The following USH2A variants were observed in gnomAD, a reference collection of about 807,000 sequenced individuals.
USH2A encodes the protein usherin.
In USH2A, 443 loss-of-function variants were observed where a neutral mutation model predicts 538.9. The observed-to-expected ratio is 0.82, with a 90% CI of 0.76 to 0.89. USH2A has a LOEUF of 0.89. Ranked by LOEUF, USH2A falls within the 40% of genes least tolerant of loss-of-function variation. USH2A has a pLI of 0.00. For synonymous variants in USH2A, 2,413 were observed against 2,273.5 expected, an observed-to-expected ratio of 1.06 and a Z score of -1.75; for missense variants, 6,633 against 6,324.8, an observed-to-expected ratio of 1.05 and a Z score of -1.65.
chr1:215,681,924 C>G (rs1658243697), intron 61 of USH2A, among the ~76,000 whole-genome samples: 1 of 152,064 alleles, frequency 6.6e-6, no homozygotes, highest in Non-Finnish European at 1.5e-5. Flanking sequence ...GACTCTGAAA[C>G]AAATTTTACA....
intron 9 of USH2A, among the ~76,000 whole-genome samples, chr1:216,292,799 C>T (rs965409583): frequency 1.3e-5 from 2 of 152,052 alleles, no homozygotes; most frequent in African/African-American, 4.8e-5. Context: ...TATGATAGCT[C>T]TAAGACTTTG....
intron 4 of USH2A, among the ~76,000 whole-genome samples, chr1:216,359,478 C>T (rs1208764901): frequency 6.6e-6 from 1 of 152,052 alleles, no homozygotes; most frequent in Non-Finnish European, 1.5e-5. Context: ...CAAAGAAGCA[C>T]ACCTGGGTTA....
At chr1:216,277,991 G>T (rs1203180608) in intron 11 of USH2A, among the ~76,000 whole-genome samples, 1 of 152,022 alleles carries the variant, frequency 6.6e-6, no homozygotes, top group Non-Finnish European at 1.5e-5. Flanking sequence ...ATATTTGGGG[G>T]TTTGTTACAT....
At chr1:216,199,072 A>C (rs2034921648) in intron 17 of USH2A, among the ~76,000 whole-genome samples, 1 of 152,192 alleles carries the variant, frequency 6.6e-6, no homozygotes, top group Non-Finnish European at 1.5e-5. Context: ...CAGTTTTACC[A>C]AATAACTTTA....
chr1:216,012,444 C>T lies in USH2A; in HGVS notation c.6326-11882G>A, dbSNP rs571508310. 2.6e-5 allele frequency among the ~76,000 whole-genome samples: 4 copies of T among 152,220 alleles called. No homozygotes were observed. In the East Asian group the frequency reaches 5.8e-4, roughly 22 times the overall value. On this transcript the variant is annotated intron_variant, in intron 32 of 71. Coordinates refer to ENST00000307340, the MANE Select transcript of USH2A (RefSeq NM_206933.4). ...AAATACCTCTTAGTCTAGGTAGACA[C>T]TTTCACTGGATAAGTACAGGCCTTT...
chr1:215,687,005 T>C (rs1658443503), intron 61 of USH2A, among the ~76,000 whole-genome samples: 2 of 152,060 alleles, frequency 1.3e-5, no homozygotes, highest in African/African-American at 4.8e-5. Flanking sequence ...CTTCCTGAAG[T>C]GTGTTTTCTC....
At chr1:215,960,123 T>C (rs1033698578) in intron 37 of USH2A, among the ~76,000 whole-genome samples, 1 of 152,160 alleles carries the variant, frequency 6.6e-6, no homozygotes, top group Non-Finnish European at 1.5e-5. Flanking sequence ...TATCTTTTCA[T>C]AGTTTTTATT....
rs78253373 is a variant in USH2A, at chr1:215,674,148, G to T, written c.13763C>A (p.Ser4588Tyr). 2,895 of 1,614,078 alleles carry T rather than the reference G, an allele frequency of 1.8e-3. 42 individuals are homozygous for T. In the African/African-American group the frequency reaches 0.03, roughly 17 times the overall value. The change falls in exon 63 of 72, where the codon TCT (serine) becomes TAT (tyrosine). Residue 4588 changes from serine (S) to tyrosine (Y), a missense_variant. Ser to Tyr is a moderately radical substitution (Grantham distance 144, BLOSUM62 -2). Coordinates refer to ENST00000307340, the MANE Select transcript of USH2A (RefSeq NM_206933.4). ...TACTATATATGACTGCATACCAAAA[G>T]AATTATGAGTTGTGTTTATGTGTAT... ...KIIHINTTHN[S>Y]FGMQSYIVNQ...
chr1:216,008,345 C>A lies in USH2A; in HGVS notation c.6326-7783G>T, dbSNP rs146519773. On this transcript the variant is annotated intron_variant, in intron 32 of 71. Coordinates refer to ENST00000307340, the MANE Select transcript of USH2A (RefSeq NM_206933.4). ...GGCTCAAAAGCTCCCCCACTGAGTA[C>A]CTTGTGACCCCCACTCTGGCCTCCA... Among the ~76,000 whole-genome samples the A allele has an allele frequency of 1.3e-4, 19 of 151,896 alleles. No homozygotes were observed. In the East Asian group the frequency reaches 3.7e-3, roughly 29 times the overall value.
chr1:216,072,437 A>C (rs562426532), intron 29 of USH2A: 1 of 244,752 alleles, frequency 4.1e-6, no homozygotes, highest in East Asian at 1.1e-4. Flanking sequence ...ATCTGCAATG[A>C]TGTCATAGAC....
chr1:216,257,342 T>C lies in USH2A; in HGVS notation c.1972-6244A>G, dbSNP rs2036278738. 1.3e-5 allele frequency among the ~76,000 whole-genome samples: 2 copies of C among 152,002 alleles called. 1 individual carries two copies. The highest frequency in any genetic ancestry group is 4.1e-4 in the South Asian group (2 of 4,830). ...TTATTTTCTTTCATAGTTATAAGAA[T>C]GTTGCCCCACTGTCTTCTTCTTTGC... On this transcript the variant is annotated intron_variant, in intron 11 of 71. Transcript: ENST00000307340.
chr1:215,801,549 A>T (rs2102781311), intron 49 of USH2A, among the ~76,000 whole-genome samples: 1 of 152,220 alleles, frequency 6.6e-6, no homozygotes, highest in South Asian at 2.1e-4. Context: ...ATAACATCAA[A>T]AAAAGAAAGA....
At chr1:215,967,778 GTTTGT>G (rs1667389094) in intron 36 of USH2A, among the ~76,000 whole-genome samples, 1 of 151,556 alleles carries the variant, frequency 6.6e-6, no homozygotes, top group Non-Finnish European at 1.5e-5. Flanking sequence ...GGGTGAATGT[GTTTGT>G]ACATGTGTAT....
intron 61 of USH2A, among the ~76,000 whole-genome samples, chr1:215,690,845 C>G (rs1454519409): frequency 6.6e-6 from 1 of 152,096 alleles, no homozygotes; most frequent in Non-Finnish European, 1.5e-5. Flanking sequence ...CACTCTGATC[C>G]AAGCCATACT....
chr1:215,841,530 A>T (rs150927933), intron 46 of USH2A, among the ~76,000 whole-genome samples: 1,868 of 152,330 alleles, frequency 0.012, 25 homozygotes, highest in Non-Finnish European at 0.02. Context: ...CTTACATCTT[A>T]TACAAAAAGT....
At chr1:215,764,274 G>T (rs547539337) in intron 56 of USH2A, among the ~76,000 whole-genome samples, 19 of 152,190 alleles carry the variant, frequency 1.2e-4, no homozygotes, top group African/African-American at 4.6e-4. Context: ...TAAAAGAAGG[G>T]CAGAGGAAGA....
intron 58 of USH2A, among the ~76,000 whole-genome samples, chr1:215,748,108 G>A (rs1660532323): frequency 6.6e-6 from 1 of 151,998 alleles, no homozygotes; most frequent in Non-Finnish European, 1.5e-5. Context: ...AGCCAGGATG[G>A]TCTGGATCTC....
rs182703640 is a variant in USH2A, at chr1:215,955,201, G to C, written c.7120+10116C>G. On this transcript the variant is annotated intron_variant, in intron 37 of 71. Transcript: ENST00000307340. Reference sequence around the variant, plus strand: ...CAAGCCCCTTCAGCACACAGACCATGCTTGCCAGATATTTAAGTACTTTCT... The same window carrying C: ...CAAGCCCCTTCAGCACACAGACCATCCTTGCCAGATATTTAAGTACTTTCT... Among the ~76,000 whole-genome samples the C allele has an allele frequency of 6.7e-4, 102 of 152,238 alleles. 1 individual carries two copies. The East Asian group carries it at 8.7e-3, about 13-fold the overall frequency.
chr1:215,788,058 T>C (rs1661854880), intron 51 of USH2A, among the ~76,000 whole-genome samples: 1 of 152,252 alleles, frequency 6.6e-6, no homozygotes, highest in African/African-American at 2.4e-5. Flanking sequence ...TGTGTGTATC[T>C]ATCTATCTAT....
Sources: gnomAD v4.1 joint callset for allele counts (sites outside exome capture counted in the v4.1 genomes callset) on GRCh38, gnomAD v4.1.1 for gene constraint, MANE v1.5 for transcripts, NCBI Gene and HGNC (gene_info 2026-07-23, HGNC 2026-07-21) for gene names.